ADAM2: variants seen among roughly 807,000 people sequenced by gnomAD.
ADAM2 encodes the protein ADAM metallopeptidase domain 2.
ADAM2 carries 101 observed loss-of-function variants against 99.3 expected under a neutral mutation model. That is an observed-to-expected ratio of 1.02 (90% CI 0.87 to 1.20). The LOEUF is 1.20. Ranked by LOEUF, ADAM2 falls within the 50% of genes most tolerant of loss-of-function variation. ADAM2 has a pLI of 0.00. For synonymous variants in ADAM2, 323 were observed against 287.6 expected, an observed-to-expected ratio of 1.12 and a Z score of -1.25; for missense variants, 948 against 878.7, an observed-to-expected ratio of 1.08 and a Z score of -1.00.
chr8:39,833,765 A>G (rs1805708742), intron 3 of ADAM2, among the ~76,000 whole-genome samples, 179 bp downstream of exon 3: 1 of 152,102 alleles, frequency 6.6e-6, no homozygotes, highest in Admixed American at 6.6e-5. Context: ...GGGCACATAC[A>G]CTCTGAATTC....
Position 39,837,212 on chromosome 8 carries a change from T to C in ADAM2, c.56A>G (p.Asn19Ser). Residue 19 changes from asparagine (N) to serine (S), a missense_variant and splice_region_variant, in exon 2 of 21, where the codon AAT becomes AGT. By Grantham distance (46) the Asn-to-Ser change is conservative. Transcript: ENST00000265708. The part of the protein sequence containing the change: ...SGLGGLRMDS[N>S]FDSLPVQITV... ...AATTTGCACAGGTAAACTATCAAAA[T>C]CTGCAAAATGTGCAAAATGTTTTAT... 1.2e-6 allele frequency: 2 copies of C among 1,603,422 alleles called. No homozygotes were observed. The highest frequency in any genetic ancestry group is 2.2e-5 in the East Asian group (1 of 44,686).
chr8:39,825,829 T>C (rs1044938845), intron 3 of ADAM2, among the ~76,000 whole-genome samples: 1 of 152,146 alleles, frequency 6.6e-6, no homozygotes, highest in African/African-American at 2.4e-5. Flanking sequence ...TTCAAAGACA[T>C]CTTAGAATTT....
intron 3 of ADAM2, among the ~76,000 whole-genome samples, chr8:39,828,849 A>C (rs184943770): frequency 2.0e-5 from 3 of 152,016 alleles, no homozygotes; most frequent in Admixed American, 2.0e-4. Context: ...ATTTGAAAGA[A>C]AAATAATTGC....
intron 17 of ADAM2, 81 bp downstream of exon 17, chr8:39,749,564 GGTGTGTGTGTGTGTGTGTGTGC>G: frequency 8.6e-7 from 1 of 1,166,856 alleles, no homozygotes; most frequent in Non-Finnish European, 1.2e-6. Context: ...TATATGTTTT[GGTGTGTGTGTGTGTGTGTGTGC>G]GTGTGTGTGT....
intron 4 of ADAM2, among the ~76,000 whole-genome samples, chr8:39,824,286 A>G (rs1280230435): frequency 6.6e-6 from 1 of 151,746 alleles, no homozygotes; most frequent in Non-Finnish European, 1.5e-5. Context: ...AAAAAAAAAA[A>G]AAAAAAAAGA....
intron 15 of ADAM2, among the ~76,000 whole-genome samples, chr8:39,756,151 A>C (rs1416510116): frequency 1.3e-5 from 2 of 152,176 alleles, no homozygotes; most frequent in African/African-American, 4.8e-5. Context: ...CACTTTTTTA[A>C]TGGCAAAAGC....
intron 6 of ADAM2, among the ~76,000 whole-genome samples, chr8:39,819,911 T>C (rs1377925873): frequency 6.6e-6 from 1 of 152,156 alleles, no homozygotes; most frequent in East Asian, 1.9e-4. Flanking sequence ...GTACCAGGAA[T>C]GAGGTGCCAA....
chr8:39,825,748 TTCA>T (rs1457201436), intron 3 of ADAM2, among the ~76,000 whole-genome samples: 1 of 152,048 alleles, frequency 6.6e-6, no homozygotes. Context: ...ATACAGCTAC[TTCA>T]TCAATAGAAA....
intron 15 of ADAM2, among the ~76,000 whole-genome samples, chr8:39,759,991 C>G: frequency 6.6e-6 from 1 of 152,074 alleles, no homozygotes; most frequent in East Asian, 1.9e-4. Context: ...CTCAGCCTCT[C>G]GAGTAGCTGG....
chr8:39,760,991 A>G (rs1802345307), intron 15 of ADAM2, among the ~76,000 whole-genome samples, 185 bp downstream of exon 15: 1 of 151,968 alleles, frequency 6.6e-6, no homozygotes, highest in South Asian at 2.1e-4. Flanking sequence ...CACTTTGTGG[A>G]AAAGTACAAG....
In ADAM2 at chr8:39,755,706, T is replaced by C. The variant is rs199862687; in HGVS notation, c.1797+22A>G. Reference sequence around the variant, plus strand: ...AAAGTCTAAAATATTAGGAAATTATTTGGGAATAAAAGACTACCTACCTTA... The same window carrying C: ...AAAGTCTAAAATATTAGGAAATTATCTGGGAATAAAAGACTACCTACCTTA... On this transcript the variant is annotated intron_variant, in intron 16 of 20. Transcript: ENST00000265708. The C allele has an allele frequency of 3.8e-6, 6 of 1,576,228 alleles. No individual in the cohort carries two copies. The East Asian group carries it at 1.3e-4, about 35-fold the overall frequency.
At chr8:39,788,349 C>A in intron 8 of ADAM2, 98 bp from the exon 9 acceptor site, 1 of 735,952 alleles carries the variant, frequency 1.4e-6, no homozygotes, top group South Asian at 2.8e-5. Flanking sequence ...TATTAAACAA[C>A]TAAACTATAA....
intron 7 of ADAM2, among the ~76,000 whole-genome samples, chr8:39,802,296 C>T (rs1339174390): frequency 1.3e-5 from 2 of 152,190 alleles, no homozygotes; most frequent in African/African-American, 4.8e-5. Flanking sequence ...TTCCGTGGGT[C>T]ATGCCAGCCT....
At chr8:39,775,714 A>T (rs1217354441) in intron 11 of ADAM2, among the ~76,000 whole-genome samples, 1 of 152,138 alleles carries the variant, frequency 6.6e-6, no homozygotes, top group Non-Finnish European at 1.5e-5. Flanking sequence ...GGTGCAATAG[A>T]TGTAGGTGAC....
intron 10 of ADAM2, among the ~76,000 whole-genome samples, chr8:39,783,414 A>G (rs1296068370): frequency 2.0e-5 from 3 of 152,008 alleles, no homozygotes; most frequent in East Asian, 1.9e-4. Flanking sequence ...CATTTGCTCT[A>G]TATATTTTGA....
At chr8:39,817,637 T>C (rs1157825117) in intron 6 of ADAM2, among the ~76,000 whole-genome samples, 1 of 152,126 alleles carries the variant, frequency 6.6e-6, no homozygotes, top group Non-Finnish European at 1.5e-5. Flanking sequence ...AAACATAAAA[T>C]TGTCATATGT....
At position 39,746,477 on chromosome 8, in the gene ADAM2, G is replaced by A. The variant is rs751986797; in HGVS notation, c.2169C>T (p.Ser723=). The stretch of plus-strand genomic sequence containing the variant: ...TAAATATGAAATCAATATACTCATC[G>A]CTTGAATAGTCCTCAGTTCTCCATT... ...RKKWRTEDYS[S]DEQPESESEP... is the part of the protein sequence containing the mutation. Residue 723 remains serine, a synonymous_variant, in exon 19 of 21, where the codon AGC becomes AGT. Coordinates refer to ENST00000265708, the MANE Select transcript of ADAM2 (RefSeq NM_001464.5). 2.9e-5 allele frequency: 45 copies of A among 1,561,810 alleles called. No homozygotes were observed. Among genetic ancestry groups the A allele is most frequent in the South Asian group, 7.3e-5 (6 of 82,288 alleles).
At chr8:39,786,535 C>A (rs1258477989) in intron 10 of ADAM2, among the ~76,000 whole-genome samples, 1 of 151,984 alleles carries the variant, frequency 6.6e-6, no homozygotes, top group Non-Finnish European at 1.5e-5. Flanking sequence ...TCAATTAGGA[C>A]ATTTGGTTCC....
At chr8:39,809,191 T>C (rs1563372152) in intron 7 of ADAM2, among the ~76,000 whole-genome samples, 1 of 152,196 alleles carries the variant, frequency 6.6e-6, no homozygotes, top group Non-Finnish European at 1.5e-5. Context: ...TAAACTATTA[T>C]AGAGGTAGCA....
Sources: gnomAD v4.1 joint callset for allele counts (sites outside exome capture counted in the v4.1 genomes callset) on GRCh38, gnomAD v4.1.1 for gene constraint, MANE v1.5 for transcripts, NCBI Gene and HGNC (gene_info 2026-07-23, HGNC 2026-07-21) for gene names.